SLC35D1: variants seen among roughly 807,000 people sequenced by gnomAD.
The protein encoded by SLC35D1 is solute carrier family 35 member D1.
In SLC35D1, 31 loss-of-function variants were observed where a neutral mutation model predicts 46.7. The observed-to-expected ratio is 0.66, with a 90% CI of 0.50 to 0.90. The LOEUF is 0.90. Among genes scored for constraint, SLC35D1 ranks in the 40% least tolerant of loss-of-function variants. The probability of loss-of-function intolerance (pLI) is 0.00; values close to 1 mark genes in which losing one functional copy is unlikely to be tolerated. For missense variants in SLC35D1, 397 were observed against 426.2 expected (o/e 0.93, Z 0.60); for synonymous variants, 195 against 164.6 (o/e 1.18, Z -1.41).
At chr1:66,976,290 C>A in the SLC35D1 span, among the ~76,000 whole-genome samples, 2 of 152,330 alleles carry the variant, frequency 1.3e-5, no homozygotes, top group Admixed American at 6.5e-5. Flanking sequence ...GCGTGAGCCA[C>A]CGTGCCCGGC....
At chr1:67,026,057 T>C (rs1667907652) in intron 8 of SLC35D1, among the ~76,000 whole-genome samples, 1 of 152,198 alleles carries the variant, frequency 6.6e-6, no homozygotes. Context: ...AATAGAACAC[T>C]ATATGAGTAC....
chr1:67,026,275 C>G (rs1570623813), intron 8 of SLC35D1, among the ~76,000 whole-genome samples: 1 of 152,238 alleles, frequency 6.6e-6, no homozygotes, highest in East Asian at 1.9e-4. Context: ...TAGGATAGTT[C>G]TACTATATTC....
intron 11 of SLC35D1, among the ~76,000 whole-genome samples, chr1:67,006,621 T>A (rs911352529): frequency 6.6e-6 from 1 of 152,218 alleles, no homozygotes. Flanking sequence ...AAGAATGTCC[T>A]GTAATTTATT....
chr1:66,997,255 A>C, downstream of SLC35D1, among the ~76,000 whole-genome samples: 1 of 152,032 alleles, frequency 6.6e-6, no homozygotes, highest in South Asian at 2.1e-4. Flanking sequence ...TTACACCTGG[A>C]ATCTTAGCAT....
In SLC35D1 at chr1:67,054,035, C is replaced by G. The variant is rs762208491; in HGVS notation, c.-22G>C. 1.2e-6 allele frequency: 2 copies of G among 1,603,468 alleles called. No homozygotes were observed. Among genetic ancestry groups the G allele is most frequent in the Non-Finnish European group, 1.7e-6 (2 of 1,175,388 alleles). Reference sequence around the variant, plus strand: ...CCATGGCTGCCGCAGCAGCGGTGGCCTGGCGGCGGGGCCTAGCGGCTCGGG... The same window carrying G: ...CCATGGCTGCCGCAGCAGCGGTGGCGTGGCGGCGGGGCCTAGCGGCTCGGG... On this transcript the variant is annotated 5_prime_UTR_variant, in exon 1 of 12. Transcript: ENST00000235345.
intron 10 of SLC35D1, among the ~76,000 whole-genome samples, chr1:67,016,357 G>C (rs968066730): frequency 6.6e-6 from 1 of 151,902 alleles, no homozygotes; most frequent in African/African-American, 2.4e-5. Context: ...TCCAAAATTT[G>C]CTTCTTCTTC....
At chr1:67,046,861 A>G (rs1193990377) in intron 7 of SLC35D1, among the ~76,000 whole-genome samples, 1 of 152,158 alleles carries the variant, frequency 6.6e-6, no homozygotes, top group Non-Finnish European at 1.5e-5. Flanking sequence ...CAAATACATA[A>G]AGGCCATTTT....
At chr1:66,997,799 T>C (rs1029972176), downstream of SLC35D1, among the ~76,000 whole-genome samples, 1 of 147,232 alleles carries the variant, frequency 6.8e-6, no homozygotes, top group African/African-American at 2.5e-5. Flanking sequence ...ATAAATATTG[T>C]TATTTATATA....
At chr1:67,025,367 C>A (rs115734515) in intron 8 of SLC35D1, among the ~76,000 whole-genome samples, 2 of 152,100 alleles carry the variant, frequency 1.3e-5, no homozygotes, top group African/African-American at 4.8e-5. Flanking sequence ...ATTTTCACAC[C>A]TTTGACAAAA....
chr1:66,985,865 G>C, the SLC35D1 span: 1 of 666,476 alleles, frequency 1.5e-6, no homozygotes, highest in Admixed American at 7.2e-5. Context: ...CAAGTAATTT[G>C]AGAATTCTGA....
chr1:67,023,421 AG>A (rs1234413218), intron 8 of SLC35D1, among the ~76,000 whole-genome samples: 7 of 151,720 alleles, frequency 4.6e-5, no homozygotes, highest in African/African-American at 1.7e-4. Context: ...ATCAATATTG[AG>A]TATCTTTTAA....
the SLC35D1 span, among the ~76,000 whole-genome samples, chr1:66,984,302 CTTTACA>C: frequency 6.6e-6 from 1 of 152,094 alleles, no homozygotes; most frequent in South Asian, 2.1e-4. Flanking sequence ...GTTCTTAGTT[CTTTACA>C]TTTATTAACT....
intron 8 of SLC35D1, among the ~76,000 whole-genome samples, chr1:67,029,940 T>C (rs1667984496): frequency 6.6e-6 from 1 of 152,186 alleles, no homozygotes; most frequent in South Asian, 2.1e-4. Flanking sequence ...ACAAAATATA[T>C]AATTTTAACT....
chr1:66,986,158 A>G, the SLC35D1 span: 79 of 1,192,052 alleles, frequency 6.6e-5, no homozygotes, highest in Middle Eastern at 3.4e-4. Context: ...AAACTTTTCA[A>G]ACTTTTCTAG....
At chr1:67,039,065 C>G (rs1003672214) in intron 8 of SLC35D1, among the ~76,000 whole-genome samples, 1 of 152,240 alleles carries the variant, frequency 6.6e-6, no homozygotes, top group Admixed American at 6.5e-5. Context: ...GGGGAGCTGG[C>G]CTTTCAGAGC....
At chr1:66,998,051 G>A (rs1205220778), downstream of SLC35D1, among the ~76,000 whole-genome samples, 4 of 151,638 alleles carry the variant, frequency 2.6e-5, no homozygotes, top group East Asian at 1.9e-4. Flanking sequence ...GTGAGGATGT[G>A]GAGAAACTGG....
the SLC35D1 span, among the ~76,000 whole-genome samples, chr1:66,992,019 G>A: frequency 3.3e-5 from 5 of 152,134 alleles, no homozygotes; most frequent in African/African-American, 1.2e-4. Flanking sequence ...AGAGAGTGCT[G>A]GCTAATGATC....
At chr1:66,985,814 ATTTTTTT>A in the SLC35D1 span, 26 of 630,432 alleles carry the variant, frequency 4.1e-5, no homozygotes, top group Middle Eastern at 8.3e-4. Flanking sequence ...GGATTATAAA[ATTTTTTT>A]TTTTTTTTTT....
intron 11 of SLC35D1, 28 bp downstream of exon 11, chr1:67,009,057 T>G (rs201594189): frequency 4.7e-6 from 5 of 1,065,780 alleles, no homozygotes; most frequent in Admixed American, 1.7e-5. Flanking sequence ...ATTCCGATTT[T>G]GCAATTTAAT....
Sources: gnomAD v4.1 joint callset for allele counts (sites outside exome capture counted in the v4.1 genomes callset) on GRCh38, gnomAD v4.1.1 for gene constraint, MANE v1.5 for transcripts, NCBI Gene and HGNC (gene_info 2026-07-23, HGNC 2026-07-21) for gene names.